Variants in AP1G1 observed in about 807,000 individuals in gnomAD.
AP1G1 encodes AP-1 complex subunit gamma-1.
A neutral mutation model predicts 108.3 loss-of-function variants in AP1G1; 7 were observed. That is an observed-to-expected ratio of 0.06 (90% CI 0.04 to 0.12). The LOEUF is 0.12. Among genes scored for constraint, AP1G1 ranks in the 10% least tolerant of loss-of-function variants. AP1G1 has a pLI of 1.00. For missense variants in AP1G1, 756 were observed against 1,010.7 expected (o/e 0.75, Z 3.42); for synonymous variants, 379 against 353.5 (o/e 1.07, Z -0.81).
chr16:71,755,201 G>A (rs973998943), intron 12 of AP1G1, among the ~76,000 whole-genome samples: 13 of 152,252 alleles, frequency 8.5e-5, no homozygotes, highest in East Asian at 7.7e-4. Context: ...TGAGGCAGGC[G>A]AATCGCTTGA....
At chr16:71,768,978 C>CACAA (rs2031454507) in intron 6 of AP1G1, among the ~76,000 whole-genome samples, 1 of 65,018 alleles carries the variant, frequency 1.5e-5, no homozygotes, top group Admixed American at 2.5e-4. Flanking sequence ...AAAAAAAATA[C>CACAA]AAAAAAAAAA....
At chr16:71,748,420 G>A in intron 15 of AP1G1, 42 bp from the exon 16 acceptor site, 2 of 1,590,920 alleles carry the variant, frequency 1.3e-6, no homozygotes, top group South Asian at 2.2e-5. Flanking sequence ...AGAATGAGTA[G>A]CATGATTAAG....
Position 71,733,127 on chromosome 16 carries a change from A to G in AP1G1, c.2400T>C (p.Tyr800=). 7 of 1,614,198 alleles carry G rather than the reference A, an allele frequency of 4.3e-6. No individual in the cohort carries two copies. Among genetic ancestry groups the G allele is most frequent in the Admixed American group, 1.7e-5 (1 of 60,024 alleles). The change falls in exon 23 of 23, where the codon TAT becomes TAC. Residue 800 remains tyrosine (Y), a synonymous_variant. Coordinates refer to ENST00000299980, the MANE Select transcript of AP1G1 (RefSeq NM_001128.6). Reference sequence around the variant, plus strand: ...CTTGCATTGCTGAGCCCTTGTGATTATATGTAAGCTTGATCCGCATTCGCA... The same window carrying G: ...CTTGCATTGCTGAGCCCTTGTGATTGTATGTAAGCTTGATCCGCATTCGCA... ...QQLRMRIKLT[Y]NHKGSAMQDL...
At chr16:71,803,511 G>A (rs2032882492) in intron 1 of AP1G1, among the ~76,000 whole-genome samples, 1 of 152,036 alleles carries the variant, frequency 6.6e-6, no homozygotes, top group Non-Finnish European at 1.5e-5. Flanking sequence ...TTTGGCAAGT[G>A]AGTTTTTTTT....
chr16:71,756,380 C>CA, intron 11 of AP1G1: 1 of 426,426 alleles, frequency 2.3e-6, no homozygotes, highest in Non-Finnish European at 4.1e-6. Flanking sequence ...TATTCTTCTT[C>CA]AAAAGTCCCT....
chr16:71,807,096 A>G (rs1364266540), intron 1 of AP1G1, among the ~76,000 whole-genome samples: 1 of 152,230 alleles, frequency 6.6e-6, no homozygotes, highest in Non-Finnish European at 1.5e-5. Flanking sequence ...ACACTCGCCT[A>G]ACTTGAAACG....
chr16:71,771,988 C>A (rs530188847), intron 4 of AP1G1, among the ~76,000 whole-genome samples: 2 of 152,220 alleles, frequency 1.3e-5, no homozygotes, highest in East Asian at 1.9e-4. Flanking sequence ...CATTTAAACA[C>A]TGATTTTTGT....
intron 16 of AP1G1, among the ~76,000 whole-genome samples, chr16:71,747,875 C>G (rs1020866706): frequency 3.3e-5 from 5 of 152,234 alleles, no homozygotes; most frequent in Middle Eastern, 3.4e-3. Flanking sequence ...CCCAGCTCCT[C>G]TGGAGGCTGA....
intron 1 of AP1G1, among the ~76,000 whole-genome samples, chr16:71,799,706 C>T (rs527692275): frequency 6.6e-6 from 1 of 150,668 alleles, no homozygotes; most frequent in East Asian, 2.0e-4. Context: ...CAAGACCATC[C>T]TGGCTAACAT....
At chr16:71,739,758 A>AAAG (rs1031333396) in intron 19 of AP1G1, among the ~76,000 whole-genome samples, 7 of 151,932 alleles carry the variant, frequency 4.6e-5, no homozygotes, top group Non-Finnish European at 7.4e-5. Flanking sequence ...AAAAAAAAAA[A>AAAG]AAAAGTAAAG....
At chr16:71,761,205 A>T (rs771283737) in intron 10 of AP1G1, among the ~76,000 whole-genome samples, 4 of 152,214 alleles carry the variant, frequency 2.6e-5, no homozygotes, top group South Asian at 2.1e-4. Flanking sequence ...GGCTAATTTC[A>T]TGCTAAGGGG....
At chr16:71,745,722 C>A in intron 17 of AP1G1, 108 bp from the exon 18 acceptor site, 1 of 881,180 alleles carries the variant, frequency 1.1e-6, no homozygotes, top group Non-Finnish European at 1.9e-6. Context: ...TATCTCCCCT[C>A]CCCATCCAAC....
At chr16:71,764,327 A>G in intron 9 of AP1G1, 23 bp downstream of exon 9, 1 of 1,434,272 alleles carries the variant, frequency 7.0e-7, no homozygotes, top group East Asian at 2.4e-5. Context: ...TAGGGGGGGA[A>G]GAAAAGATTC....
intron 1 of AP1G1, among the ~76,000 whole-genome samples, chr16:71,795,465 G>C (rs1325383926): frequency 6.6e-6 from 1 of 152,184 alleles, no homozygotes; most frequent in East Asian, 1.9e-4. Context: ...GTCTAGCTGA[G>C]AATGTTCAAG....
In AP1G1 at chr16:71,756,069, C is replaced by T. The variant is rs1344333855; in HGVS notation, c.1179G>A (p.Glu393=). The change falls in exon 12 of 23, where the codon GAG becomes GAA. Residue 393 remains glutamate (E), a synonymous_variant. Coordinates refer to ENST00000299980, the MANE Select transcript of AP1G1 (RefSeq NM_001128.6). ...KELLYFLDSC[E]PEFKADCASG... ...ATGCACAGTCTGCTTTAAATTCTGGCTCACACGAATCCAGAAAATAAAGTA... is the reference window on the plus strand; with the variant it reads ...ATGCACAGTCTGCTTTAAATTCTGGTTCACACGAATCCAGAAAATAAAGTA... 1 of 1,613,066 alleles carries T rather than the reference C, an allele frequency of 6.2e-7. No individual in the cohort carries two copies.
chr16:71,778,616 T>A lies in AP1G1; in HGVS notation c.202-4024A>T, dbSNP rs144790604. On this transcript the variant is annotated intron_variant, in intron 2 of 22. Coordinates refer to ENST00000299980, the MANE Select transcript of AP1G1 (RefSeq NM_001128.6). ...GAGAATCACTTGAAAGCAGGAGGAG[T>A]AGGTTGCAGTGAGCTGAGATCGCGC... Among the ~76,000 whole-genome samples the A allele has an allele frequency of 2.9e-4, 42 of 145,958 alleles. No homozygotes were observed. In the East Asian group the frequency reaches 8.2e-3, roughly 29 times the overall value.
Position 71,774,480 on chromosome 16 carries a change from T to C in AP1G1, c.314A>G (p.Asn105Ser), listed in dbSNP as rs2031700166. ...ERQDVHLLMTNCIKNDLNHST... is the reference protein window; with the variant it reads ...ERQDVHLLMTSCIKNDLNHST... Reference sequence around the variant, plus strand: ...AAGTAAGACTTACTTCTTGATACAGTTGGTCATGAGAAGATGGACATCTTG... The same window carrying C: ...AAGTAAGACTTACTTCTTGATACAGCTGGTCATGAGAAGATGGACATCTTG... The change falls in exon 3 of 23, where the codon AAC becomes AGC. Residue 105 changes from asparagine (N) to serine (S), a missense_variant. Physicochemically the swap from Asn to Ser is conservative, Grantham distance 46 (BLOSUM62 1). Coordinates refer to ENST00000299980, the MANE Select transcript of AP1G1 (RefSeq NM_001128.6). The C allele has an allele frequency of 6.3e-7, 1 of 1,599,640 alleles. No individual in the cohort carries two copies. The highest frequency in any genetic ancestry group is 1.1e-5 in the South Asian group (1 of 87,884).
At chr16:71,785,464 A>G (rs894759772) in intron 2 of AP1G1, among the ~76,000 whole-genome samples, 3 of 151,474 alleles carry the variant, frequency 2.0e-5, no homozygotes. Context: ...TAGCCCAGCT[A>G]CTCAGGAGGC....
At chr16:71,754,026 C>T in intron 12 of AP1G1, 139 bp from the exon 13 acceptor site, 1 of 754,958 alleles carries the variant, frequency 1.3e-6, no homozygotes, top group Non-Finnish European at 2.3e-6. Flanking sequence ...ATCACCTGAG[C>T]TCAGGAGTTC....
Sources: gnomAD v4.1 joint callset for allele counts (sites outside exome capture counted in the v4.1 genomes callset) on GRCh38, gnomAD v4.1.1 for gene constraint, MANE v1.5 for transcripts, NCBI Gene and HGNC (gene_info 2026-07-23, HGNC 2026-07-21) for gene names.